KLHL1: variants seen among roughly 807,000 people sequenced by gnomAD.
KLHL1 encodes kelch like family member 1, also known as kelch-like protein 1.
A neutral mutation model predicts 77.7 loss-of-function variants in KLHL1; 47 were observed. The ratio of observed to expected loss-of-function variants is 0.60; its 90% CI spans 0.48 to 0.77. KLHL1 has a LOEUF of 0.77. Ranked by LOEUF, KLHL1 falls within the 30% of genes least tolerant of loss-of-function variation. The pLI, the probability that KLHL1 is intolerant of heterozygous loss-of-function variation, is 0.00. For synonymous variants in KLHL1, 360 were observed against 325.2 expected, an observed-to-expected ratio of 1.11 and a Z score of -1.15; for missense variants, 925 against 910.8, an observed-to-expected ratio of 1.02 and a Z score of -0.20.
At chr13:70,049,628 T>A (rs952444672) in intron 1 of KLHL1, among the ~76,000 whole-genome samples, 1 of 152,154 alleles carries the variant, frequency 6.6e-6, no homozygotes, top group African/African-American at 2.4e-5. Flanking sequence ...TTACACAGAT[T>A]TTATAATTTA....
intron 3 of KLHL1, among the ~76,000 whole-genome samples, chr13:69,940,792 C>CAA (rs374717086): frequency 1.1e-3 from 77 of 67,666 alleles, no homozygotes; most frequent in African/African-American, 3.1e-3. Flanking sequence ...ATCTTAAAGG[C>CAA]AAAAAAAAAA....
At chr13:69,993,514 G>A (rs1885076712) in intron 1 of KLHL1, among the ~76,000 whole-genome samples, 1 of 152,128 alleles carries the variant, frequency 6.6e-6, no homozygotes, top group Middle Eastern at 3.4e-3. Flanking sequence ...AAAGAGGTCG[G>A]TGTATTATTT....
chr13:69,745,577 C>A (rs1280303116), intron 7 of KLHL1, among the ~76,000 whole-genome samples: 2 of 151,454 alleles, frequency 1.3e-5, no homozygotes, highest in Non-Finnish European at 3.0e-5. Context: ...GAATTGATAT[C>A]CACAAATATA....
chr13:69,770,089 C>T (rs1875491963), intron 7 of KLHL1, among the ~76,000 whole-genome samples: 2 of 152,122 alleles, frequency 1.3e-5, no homozygotes, highest in South Asian at 4.1e-4. Flanking sequence ...GGGCTTAGAA[C>T]TTGGGACTCC....
intron 8 of KLHL1, among the ~76,000 whole-genome samples, chr13:69,734,957 A>C (rs1286695693): frequency 6.6e-6 from 1 of 152,162 alleles, no homozygotes; most frequent in African/African-American, 2.4e-5. Flanking sequence ...ATTTTATATC[A>C]TAATGAAGAA....
At chr13:70,103,882 T>C (rs1316622683) in intron 1 of KLHL1, among the ~76,000 whole-genome samples, 1 of 152,114 alleles carries the variant, frequency 6.6e-6, no homozygotes, top group Non-Finnish European at 1.5e-5. Context: ...GGTGGCTATG[T>C]AAGACTACAG....
intron 4 of KLHL1, among the ~76,000 whole-genome samples, chr13:69,932,413 T>C (rs1016459841): frequency 2.0e-5 from 3 of 151,818 alleles, no homozygotes; most frequent in African/African-American, 7.2e-5. Context: ...TTCTGACATA[T>C]CATAAGAAGT....
intron 1 of KLHL1, among the ~76,000 whole-genome samples, chr13:70,040,159 C>T (rs1886340661): frequency 6.6e-6 from 1 of 152,100 alleles, no homozygotes; most frequent in Non-Finnish European, 1.5e-5. Context: ...TTTAGCTTAA[C>T]CATCAAACAT....
intron 4 of KLHL1, among the ~76,000 whole-genome samples, chr13:69,932,168 C>A (rs1211269520): frequency 1.3e-5 from 2 of 151,676 alleles, no homozygotes; most frequent in African/African-American, 4.8e-5. Flanking sequence ...GTGAACTGGA[C>A]AGCTGTGTGT....
At chr13:69,943,895 T>A (rs1247139980) in intron 3 of KLHL1, among the ~76,000 whole-genome samples, 1 of 152,220 alleles carries the variant, frequency 6.6e-6, no homozygotes, top group African/African-American at 2.4e-5. Context: ...AAGACCTACA[T>A]GCTGATGGCA....
At chr13:69,971,532 C>T (rs1427806468) in intron 2 of KLHL1, among the ~76,000 whole-genome samples, 3 of 151,922 alleles carry the variant, frequency 2.0e-5, no homozygotes, top group Non-Finnish European at 2.9e-5. Flanking sequence ...AACAGAAATT[C>T]TTTAGTTCTC....
Position 69,814,355 on chromosome 13 carries a change from CTA to C in KLHL1, c.1415-17395_1415-17394del, listed in dbSNP as rs201503600. ...CCAATAATTGGCAAATAATGTATTA[CTA>C]TGTCCTGAAAAGCAAATGAAGCCAA... On this transcript the variant is annotated intron_variant, in intron 6 of 10. Coordinates refer to ENST00000377844, the MANE Select transcript of KLHL1 (RefSeq NM_020866.3). 8.8e-3 allele frequency among the ~76,000 whole-genome samples: 1,336 copies of C among 152,186 alleles called. 10 individuals are homozygous for C. Among genetic ancestry groups the C allele is most frequent in the African/African-American group, 0.031 (1,272 of 41,538 alleles).
intron 1 of KLHL1, among the ~76,000 whole-genome samples, chr13:69,983,727 C>T (rs1884784280): frequency 6.6e-6 from 1 of 151,904 alleles, no homozygotes; most frequent in South Asian, 2.1e-4. Context: ...GTACTCACAT[C>T]ACTGCACTCT....
intron 1 of KLHL1, among the ~76,000 whole-genome samples, chr13:70,064,630 A>G (rs1886965347): frequency 2.0e-5 from 3 of 152,164 alleles, no homozygotes; most frequent in Non-Finnish European, 1.5e-5. Flanking sequence ...GTAAGAGACT[A>G]TTGCCTACCG....
intron 4 of KLHL1, among the ~76,000 whole-genome samples, chr13:69,897,603 C>A (rs1400581324): frequency 6.6e-6 from 1 of 152,118 alleles, no homozygotes; most frequent in Non-Finnish European, 1.5e-5. Flanking sequence ...TCACTAAATG[C>A]CCCCTTCCTC....
chr13:69,707,859 T>A (rs1863906024), intron 9 of KLHL1, 63 bp from the exon 10 acceptor site: 2 of 1,361,018 alleles, frequency 1.5e-6, no homozygotes, highest in East Asian at 2.5e-5. Context: ...ACTATAAAAA[T>A]TTTACTTTTT....
At chr13:69,841,623 C>T (rs144079352) in intron 5 of KLHL1, among the ~76,000 whole-genome samples, 33 of 151,828 alleles carry the variant, frequency 2.2e-4, no homozygotes, top group African/African-American at 6.7e-4. Context: ...TTAAAATGAC[C>T]GCATTGCTCA....
chr13:69,906,427 G>T (rs1410052602), intron 4 of KLHL1, among the ~76,000 whole-genome samples: 1 of 151,768 alleles, frequency 6.6e-6, no homozygotes, highest in Non-Finnish European at 1.5e-5. Context: ...TTAAGGTATC[G>T]GCTGTATTTG....
At chr13:69,901,431 CAATG>C (rs1881853313) in intron 4 of KLHL1, among the ~76,000 whole-genome samples, 1 of 152,038 alleles carries the variant, frequency 6.6e-6, no homozygotes, top group African/African-American at 2.4e-5. Flanking sequence ...TTAAATGTAA[CAATG>C]AAGGAAGAGT....
Sources: gnomAD v4.1 joint callset for allele counts (sites outside exome capture counted in the v4.1 genomes callset) on GRCh38, gnomAD v4.1.1 for gene constraint, MANE v1.5 for transcripts, NCBI Gene and HGNC (gene_info 2026-07-23, HGNC 2026-07-21) for gene names.